HS6ST3: variants seen among roughly 807,000 people sequenced by gnomAD.
HS6ST3 encodes heparan-sulfate 6-O-sulfotransferase 3.
In HS6ST3, 12 loss-of-function variants were observed where a neutral mutation model predicts 36.7. The ratio of observed to expected loss-of-function variants is 0.33; its 90% CI spans 0.21 to 0.53. The LOEUF (loss-of-function observed/expected upper bound fraction) is 0.53. HS6ST3 is among the 20% of genes least tolerant of loss of function. The pLI is 0.95. For missense variants in HS6ST3, 584 were observed against 640.9 expected (o/e 0.91, Z 0.96); for synonymous variants, 240 against 257.5 (o/e 0.93, Z 0.65).
At chr13:96,393,786 C>T (rs1174957909) in intron 1 of HS6ST3, among the ~76,000 whole-genome samples, 1 of 152,090 alleles carries the variant, frequency 6.6e-6, no homozygotes, top group East Asian at 1.9e-4. Context: ...AGTCTCTTGT[C>T]ATTCCTTATA....
In HS6ST3 at chr13:96,778,001, G is replaced by A. The variant is rs550541398; in HGVS notation, c.708-54489G>A. Among the ~76,000 whole-genome samples, 19 of 152,162 alleles carry A rather than the reference G, an allele frequency of 1.2e-4. 1 individual carries two copies. Among genetic ancestry groups the A allele is most frequent in the African/African-American group, 3.9e-4 (16 of 41,504 alleles). ...ATATAGACCAATGGAACAGAACAGA[G>A]GCCTCAGAAATAATGCCACACATCT... On this transcript the variant is annotated intron_variant, in intron 1 of 1. Transcript: ENST00000376705.
At chr13:96,503,111 G>T (rs1246144544) in intron 1 of HS6ST3, among the ~76,000 whole-genome samples, 4 of 151,220 alleles carry the variant, frequency 2.6e-5, no homozygotes, top group African/African-American at 9.7e-5. Flanking sequence ...GTTTTTTTTT[G>T]TGTGTTAAGA....
chr13:96,385,339 A>G (rs1403279456), intron 1 of HS6ST3, among the ~76,000 whole-genome samples: 1 of 152,202 alleles, frequency 6.6e-6, no homozygotes, highest in African/African-American at 2.4e-5. Context: ...TTTCATATCT[A>G]TAAGACCTCA....
At chr13:96,222,464 G>T (rs970547712) in intron 1 of HS6ST3, among the ~76,000 whole-genome samples, 1 of 152,204 alleles carries the variant, frequency 6.6e-6, no homozygotes, top group Non-Finnish European at 1.5e-5. Context: ...AATAGCTGGT[G>T]CAAGGTCAAT....
chr13:96,541,933 G>T (rs552533014), intron 1 of HS6ST3, among the ~76,000 whole-genome samples: 37 of 152,288 alleles, frequency 2.4e-4, no homozygotes, highest in African/African-American at 8.9e-4. Flanking sequence ...ACTTGAAATA[G>T]AACAGTATGG....
chr13:96,150,297 A>G (rs957227799), intron 1 of HS6ST3, among the ~76,000 whole-genome samples: 2 of 152,078 alleles, frequency 1.3e-5, no homozygotes, highest in African/African-American at 2.4e-5. Flanking sequence ...GAAAAGCACA[A>G]TTCGATTGGT....
chr13:96,661,775 G>C (rs72643881), intron 1 of HS6ST3, among the ~76,000 whole-genome samples: 3,715 of 152,204 alleles, frequency 0.024, 114 homozygotes, highest in African/African-American at 0.071. Context: ...GGCATTCCTT[G>C]TGGGTCCGGT....
chr13:96,241,727 A>G (rs2054561108), intron 1 of HS6ST3, among the ~76,000 whole-genome samples: 2 of 151,550 alleles, frequency 1.3e-5, no homozygotes, highest in Non-Finnish European at 2.9e-5. Flanking sequence ...TTGTAGAAGT[A>G]GAACAGAATT....
chr13:96,158,094 T>G (rs370867616), intron 1 of HS6ST3, among the ~76,000 whole-genome samples: 2 of 152,154 alleles, frequency 1.3e-5, no homozygotes, highest in East Asian at 1.9e-4. Flanking sequence ...ACAAAGTATG[T>G]GACACTTGAG....
chr13:96,679,621 C>T (rs1287185857), intron 1 of HS6ST3, among the ~76,000 whole-genome samples: 1 of 152,150 alleles, frequency 6.6e-6, no homozygotes, highest in Admixed American at 6.5e-5. Flanking sequence ...GCCCCTGCAG[C>T]TGCTTTCTGG....
chr13:96,147,787 A>T (rs1487255774), intron 1 of HS6ST3, among the ~76,000 whole-genome samples: 1 of 152,084 alleles, frequency 6.6e-6, no homozygotes, highest in Admixed American at 6.5e-5. Flanking sequence ...AAATGAATGA[A>T]TGAATGAATG....
intron 1 of HS6ST3, among the ~76,000 whole-genome samples, chr13:96,638,727 A>G (rs912432741): frequency 6.6e-6 from 1 of 152,010 alleles, no homozygotes; most frequent in Admixed American, 6.6e-5. Flanking sequence ...AGCCCAGCGG[A>G]ACTATGAGTC....
intron 1 of HS6ST3, among the ~76,000 whole-genome samples, chr13:96,800,000 ATATATATATATATG>A (rs1878026396): frequency 1.1e-5 from 1 of 89,390 alleles, no homozygotes; most frequent in Non-Finnish European, 2.2e-5. Flanking sequence ...ATATATATGT[ATATATATATATATG>A]TATATATATA....
chr13:96,102,791 CT>C (rs2053824178), intron 1 of HS6ST3, among the ~76,000 whole-genome samples: 1 of 152,160 alleles, frequency 6.6e-6, no homozygotes, highest in Admixed American at 6.5e-5. Context: ...TGTCCCTGCA[CT>C]TTCGCAAGCA....
intron 1 of HS6ST3, among the ~76,000 whole-genome samples, chr13:96,594,852 A>G (rs982262244): frequency 6.6e-6 from 1 of 152,006 alleles, no homozygotes; most frequent in Non-Finnish European, 1.5e-5. Context: ...TGCATTACTC[A>G]TTATCATTTT....
chr13:96,698,753 C>G (rs188579249), intron 1 of HS6ST3, among the ~76,000 whole-genome samples: 1 of 151,708 alleles, frequency 6.6e-6, no homozygotes, highest in East Asian at 1.9e-4. Flanking sequence ...TTGGAAAAAA[C>G]TAGTTCATAT....
At chr13:96,604,208 T>C (rs1566409037) in intron 1 of HS6ST3, among the ~76,000 whole-genome samples, 1 of 152,192 alleles carries the variant, frequency 6.6e-6, no homozygotes, top group Non-Finnish European at 1.5e-5. Flanking sequence ...CAGTGCAATA[T>C]TTTAATGAAT....
intron 1 of HS6ST3, among the ~76,000 whole-genome samples, chr13:96,357,879 C>T (rs939380167): frequency 5.9e-5 from 9 of 152,084 alleles, no homozygotes; most frequent in Non-Finnish European, 1.5e-5. Flanking sequence ...ACAATAGTAA[C>T]AGCAAAGATA....
At chr13:96,314,591 T>C (rs2054959016) in intron 1 of HS6ST3, among the ~76,000 whole-genome samples, 1 of 152,162 alleles carries the variant, frequency 6.6e-6, no homozygotes, top group Admixed American at 6.6e-5. Context: ...AGATATTTTA[T>C]GTTAAAAAAA....
Sources: allele counts gnomAD v4.1 joint callset (sites outside exome capture counted in the v4.1 genomes callset), GRCh38; gene constraint gnomAD v4.1.1; transcripts MANE v1.5; gene names NCBI Gene and HGNC (gene_info 2026-07-23, HGNC 2026-07-21).